PTPRM: variants seen among roughly 807,000 people sequenced by gnomAD.
PTPRM encodes receptor-type tyrosine-protein phosphatase mu.
In PTPRM, 47 loss-of-function variants were observed where a neutral mutation model predicts 186.7. The ratio of observed to expected loss-of-function variants is 0.25; its 90% CI spans 0.20 to 0.32. PTPRM has a LOEUF of 0.32. Ranked by LOEUF, PTPRM falls within the 10% of genes least tolerant of loss-of-function variation. PTPRM has a pLI of 1.00. For synonymous variants in PTPRM, 668 were observed against 674.9 expected (o/e 0.99, Z 0.16); for missense variants, 1,494 against 1,865.0 (o/e 0.80, Z 3.66).
At chr18:8,371,313 C>T (rs1277257613) in intron 24 of PTPRM, among the ~76,000 whole-genome samples, 2 of 152,194 alleles carry the variant, frequency 1.3e-5, no homozygotes, top group African/African-American at 4.8e-5. Context: ...GTTCACAGAA[C>T]AAAGTTTGCT....
intron 30 of PTPRM, among the ~76,000 whole-genome samples, chr18:8,386,657 A>G (rs2095776224): frequency 6.6e-6 from 1 of 152,238 alleles, no homozygotes; most frequent in South Asian, 2.1e-4. Context: ...AAACCATATT[A>G]TGCTCACAGG....
At chr18:8,278,405 A>G (rs918006146) in intron 19 of PTPRM, among the ~76,000 whole-genome samples, 3 of 152,150 alleles carry the variant, frequency 2.0e-5, no homozygotes, top group Admixed American at 6.6e-5. Flanking sequence ...GATCTGATAC[A>G]CTGCCGTACT....
At chr18:7,847,778 A>G (rs1009752502) in intron 2 of PTPRM, among the ~76,000 whole-genome samples, 19 of 152,158 alleles carry the variant, frequency 1.2e-4, no homozygotes, top group African/African-American at 4.3e-4. Flanking sequence ...TCCAAACCCA[A>G]ATGATGTATT....
Position 8,350,258 on chromosome 18 carries a change from G to C in PTPRM, c.3054+6738G>C, listed in dbSNP as rs140802731. On this transcript the variant is annotated intron_variant, in intron 23 of 32. Coordinates refer to ENST00000580170, the MANE Select transcript of PTPRM (RefSeq NM_001105244.2). ...CCCATAGCTGACCTTTTGATGTAAA[G>C]AGCCAAATGCCATTTTCTTTTCATG... Among the ~76,000 whole-genome samples, 424 of 152,280 alleles carry C rather than the reference G, an allele frequency of 2.8e-3. 1 individual carries two copies. The highest frequency in any genetic ancestry group is 4.9e-3 in the Non-Finnish European group (331 of 68,024).
chr18:8,045,845 G>GAAA lies in PTPRM; in HGVS notation c.1133-23837_1133-23835dup, dbSNP rs1399337281. ...ATTAACTATAGCTCAAAAAGATGTT[G>GAAA]AAAAAAGGGACTTAAGTGAGGAAAA... is the stretch of plus-strand genomic sequence containing the variant. On this transcript the variant is annotated intron_variant, in intron 7 of 32. Transcript: ENST00000580170. Among the ~76,000 whole-genome samples, 18 of 152,154 alleles carry GAAA rather than the reference G, an allele frequency of 1.2e-4. No individual in the cohort carries two copies. The East Asian group carries it at 3.5e-3, about 29-fold the overall frequency.
At chr18:7,998,485 A>G (rs1459403443) in intron 7 of PTPRM, among the ~76,000 whole-genome samples, 2 of 152,166 alleles carry the variant, frequency 1.3e-5, no homozygotes, top group African/African-American at 2.4e-5. Flanking sequence ...TTTATGTATC[A>G]ATTTTTAAAA....
At chr18:8,075,254 A>G (rs183227013) in intron 8 of PTPRM, among the ~76,000 whole-genome samples, 4 of 103,136 alleles carry the variant, frequency 3.9e-5, no homozygotes, top group East Asian at 2.1e-4. Flanking sequence ...TTCCATATCT[A>G]TATCTATCTA....
chr18:7,965,601 G>C (rs1037123133), intron 7 of PTPRM, among the ~76,000 whole-genome samples: 2 of 152,272 alleles, frequency 1.3e-5, no homozygotes, highest in East Asian at 1.9e-4. Context: ...CTTGCATCCA[G>C]TGTCGCTGGC....
intron 15 of PTPRM, among the ~76,000 whole-genome samples, chr18:8,247,166 TA>T (rs2094484682): frequency 6.6e-6 from 1 of 152,216 alleles, no homozygotes; most frequent in Non-Finnish European, 1.5e-5. Flanking sequence ...AAGAGCGTTT[TA>T]AAATGTCTCT....
chr18:7,575,676 T>TTGTA (rs1480986769), intron 1 of PTPRM, among the ~76,000 whole-genome samples: 2 of 152,218 alleles, frequency 1.3e-5, no homozygotes, highest in Admixed American at 6.5e-5. Context: ...TGGGGCCTTC[T>TTGTA]TGTAGTAGAC....
intron 23 of PTPRM, among the ~76,000 whole-genome samples, chr18:8,358,000 A>T (rs1380064205): frequency 6.6e-6 from 1 of 152,206 alleles, no homozygotes; most frequent in African/African-American, 2.4e-5. Flanking sequence ...TAGAGTAATG[A>T]GGTTTCTTAT....
intron 1 of PTPRM, among the ~76,000 whole-genome samples, chr18:7,695,398 T>C (rs982784087): frequency 5.9e-5 from 9 of 152,300 alleles, no homozygotes; most frequent in South Asian, 4.1e-4. Context: ...ATTTGTGTTA[T>C]TGCATCTCAT....
At chr18:7,650,709 T>G (rs1474944393) in intron 1 of PTPRM, among the ~76,000 whole-genome samples, 3 of 152,050 alleles carry the variant, frequency 2.0e-5, no homozygotes, top group Non-Finnish European at 4.4e-5. Context: ...CCTTACAGTA[T>G]GCTGTTTGTT....
chr18:8,092,982 G>A (rs1380488753), intron 11 of PTPRM, among the ~76,000 whole-genome samples: 3 of 152,012 alleles, frequency 2.0e-5, no homozygotes, highest in Admixed American at 2.0e-4. Flanking sequence ...GCCCAACATA[G>A]ACCCTCTACC....
intron 7 of PTPRM, among the ~76,000 whole-genome samples, chr18:7,981,183 C>T (rs1311543406): frequency 6.6e-6 from 1 of 152,172 alleles, no homozygotes; most frequent in Non-Finnish European, 1.5e-5. Context: ...CCAACCCCAC[C>T]TTCACTCTCT....
chr18:7,878,016 CA>C (rs1599233988), intron 2 of PTPRM, among the ~76,000 whole-genome samples: 1 of 152,126 alleles, frequency 6.6e-6, no homozygotes, highest in East Asian at 1.9e-4. Flanking sequence ...GCAGGAGCTT[CA>C]CCAGAACCTC....
chr18:7,996,054 C>A (rs2083513960), intron 7 of PTPRM, among the ~76,000 whole-genome samples: 1 of 151,938 alleles, frequency 6.6e-6, no homozygotes, highest in South Asian at 2.1e-4. Context: ...TTCATTATTG[C>A]TTAGTCTGCT....
rs146826481 is a variant in PTPRM, at chr18:8,162,068, A to G, written c.2300+18289A>G. 8.1e-4 allele frequency among the ~76,000 whole-genome samples: 123 copies of G among 151,590 alleles called. 2 individuals are homozygous for G. The highest frequency in any genetic ancestry group is 3.4e-3 in the Middle Eastern group (1 of 290). The stretch of plus-strand genomic sequence containing the variant: ...AATATCTGTTAGAATACTTTTTCTC[A>G]TAAGACTACAGTTAAATTTTGTGGG... On this transcript the variant is annotated intron_variant, in intron 14 of 32. Transcript: ENST00000580170.
chr18:7,977,394 A>T (rs1286799007), intron 7 of PTPRM, among the ~76,000 whole-genome samples: 5 of 151,928 alleles, frequency 3.3e-5, no homozygotes, highest in Admixed American at 3.3e-4. Context: ...CAGCTTCCTG[A>T]GTTGTTTAGA....
Sources: allele counts gnomAD v4.1 joint callset (sites outside exome capture counted in the v4.1 genomes callset), GRCh38; gene constraint gnomAD v4.1.1; transcripts MANE v1.5; gene names NCBI Gene and HGNC (gene_info 2026-07-23, HGNC 2026-07-21).